Variants in ILDR1 observed in about 807,000 individuals in gnomAD.
ILDR1 encodes the protein immunoglobulin like domain containing receptor 1.
ILDR1 carries 56 observed loss-of-function variants against 62.4 expected under a neutral mutation model. The ratio of observed to expected loss-of-function variants is 0.90; its 90% CI spans 0.72 to 1.12. The LOEUF (loss-of-function observed/expected upper bound fraction) is 1.12. ILDR1 is among the 50% of genes most tolerant of loss of function. The pLI is 0.00. For missense variants in ILDR1, 736 were observed against 710.6 expected, an observed-to-expected ratio of 1.04 and a Z score of -0.41; for synonymous variants, 284 against 277.8, an observed-to-expected ratio of 1.02 and a Z score of -0.22.
chr3:122,026,444 A>G (rs554429601), upstream of ILDR1, among the ~76,000 whole-genome samples: 4 of 152,358 alleles, frequency 2.6e-5, no homozygotes, highest in African/African-American at 7.2e-5. Flanking sequence ...TGAGACAAGG[A>G]TATAGGTTTC....
the ILDR1 span, among the ~76,000 whole-genome samples, chr3:122,043,058 T>A: frequency 6.9e-6 from 1 of 144,256 alleles, no homozygotes; most frequent in Non-Finnish European, 1.5e-5. Context: ...GGTCTAACGT[T>A]TAAATCTTTA....
At chr3:122,022,457 A>G (rs528734199), upstream of ILDR1, among the ~76,000 whole-genome samples, 42 of 152,262 alleles carry the variant, frequency 2.8e-4, no homozygotes, top group African/African-American at 9.4e-4. Flanking sequence ...TCCCCTGCAA[A>G]TGTATCCCCC....
intron 3 of ILDR1, among the ~76,000 whole-genome samples, chr3:122,004,397 A>T (rs562817104): frequency 2.0e-4 from 30 of 152,320 alleles, no homozygotes; most frequent in Admixed American, 2.0e-3. Context: ...CTTTATACAT[A>T]TTACCTTAGT....
intron 5 of ILDR1, among the ~76,000 whole-genome samples, chr3:121,994,825 G>A (rs757749062): frequency 1.3e-5 from 2 of 152,202 alleles, no homozygotes; most frequent in African/African-American, 2.4e-5. Context: ...CAATTGCATG[G>A]AAGAGTATTT....
upstream of ILDR1, among the ~76,000 whole-genome samples, chr3:122,025,854 G>C (rs2071917203): frequency 6.6e-6 from 1 of 152,156 alleles, no homozygotes; most frequent in East Asian, 1.9e-4. Context: ...TTCAGACTAT[G>C]TCTTATGCAT....
intron 1 of ILDR1, among the ~76,000 whole-genome samples, chr3:122,007,667 C>A (rs950390998): frequency 1.3e-5 from 2 of 152,174 alleles, no homozygotes; most frequent in East Asian, 3.9e-4. Context: ...TTTCTTCAGT[C>A]CTTCCCATGC....
chr3:122,013,522 A>G (rs2107673823), intron 1 of ILDR1, among the ~76,000 whole-genome samples: 1 of 152,308 alleles, frequency 6.6e-6, no homozygotes, highest in Non-Finnish European at 1.5e-5. Flanking sequence ...CAATGCTATC[A>G]GAGTTTATGG....
the ILDR1 span, among the ~76,000 whole-genome samples, chr3:122,053,411 T>C: frequency 1.3e-5 from 2 of 152,188 alleles, no homozygotes; most frequent in South Asian, 4.1e-4. Context: ...TAATTTGTTA[T>C]ACAGCAATGG....
chr3:122,005,019 T>C (rs1398547974), intron 3 of ILDR1, among the ~76,000 whole-genome samples: 1 of 152,218 alleles, frequency 6.6e-6, no homozygotes, highest in Non-Finnish European at 1.5e-5. Context: ...AAGCTATAGA[T>C]AGCAACAGAA....
intron 3 of ILDR1, 39 bp downstream of exon 3, chr3:122,005,205 C>T: frequency 7.9e-7 from 1 of 1,260,900 alleles, no homozygotes; most frequent in Non-Finnish European, 1.1e-6. Context: ...CTGCACCTCC[C>T]CCCACCCCCA....
chr3:122,025,455 G>C (rs1455230149), upstream of ILDR1, among the ~76,000 whole-genome samples: 1 of 152,212 alleles, frequency 6.6e-6, no homozygotes, highest in East Asian at 1.9e-4. Flanking sequence ...AAGTAGCAGA[G>C]CTGAGATGCA....
intron 1 of ILDR1, among the ~76,000 whole-genome samples, chr3:122,007,575 G>A (rs1386614970): frequency 1.3e-5 from 2 of 152,142 alleles, no homozygotes; most frequent in Admixed American, 1.3e-4. Context: ...CCAGGCCTAC[G>A]AAACCCGTTA....
the ILDR1 span, among the ~76,000 whole-genome samples, chr3:122,047,361 G>A: frequency 6.6e-6 from 1 of 152,240 alleles, no homozygotes; most frequent in Non-Finnish European, 1.5e-5. Flanking sequence ...AGAGGTTACT[G>A]CTGTCTTTTT....
chr3:122,045,265 G>A, the ILDR1 span, among the ~76,000 whole-genome samples: 5 of 148,754 alleles, frequency 3.4e-5, no homozygotes, highest in Admixed American at 3.4e-4. Context: ...TAGTTTGATT[G>A]CACTGTGGTC....
the ILDR1 span, among the ~76,000 whole-genome samples, chr3:122,036,578 G>GAC: frequency 4.1e-5 from 6 of 145,482 alleles, no homozygotes; most frequent in Admixed American, 4.1e-4. Context: ...GACAGAGCAA[G>GAC]ACTCCATTTC....
chr3:122,019,543 AAGG>A (rs1264413137), intron 1 of ILDR1, among the ~76,000 whole-genome samples: 12 of 152,176 alleles, frequency 7.9e-5, no homozygotes, highest in African/African-American at 2.9e-4. Flanking sequence ...CTTAAAAATT[AAGG>A]AAAAGGTGGG....
At chr3:122,000,241 T>G (rs1196728021) in intron 5 of ILDR1, among the ~76,000 whole-genome samples, 1 of 145,554 alleles carries the variant, frequency 6.9e-6, no homozygotes, top group Non-Finnish European at 1.5e-5. Context: ...AGCCAAAAAT[T>G]AAGTTAAGGA....
chr3:121,993,259 C>G lies in ILDR1; in HGVS notation c.1490G>C (p.Arg497Pro). The G allele has an allele frequency of 6.2e-7, 1 of 1,613,538 alleles. No individual in the cohort carries two copies. Among genetic ancestry groups the G allele is most frequent in the Non-Finnish European group, 8.5e-7 (1 of 1,179,754 alleles). Residue 497 changes from arginine (R) to proline (P), a missense_variant, in exon 7 of 8, where the codon CGC (arginine) becomes CCC (proline). Arg to Pro is a moderately radical substitution (Grantham distance 103). Transcript: ENST00000344209. ...RQPQSWRAHR[R>P]GSHSPHWPEE... ...GGGCCAGTGTGGGGAGTGCGAGCCG[C>G]GGCGGTGGGCCCGCCAGCTCTGGGG...
chr3:122,032,036 C>T, the ILDR1 span, among the ~76,000 whole-genome samples: 2 of 152,318 alleles, frequency 1.3e-5, no homozygotes, highest in Non-Finnish European at 2.9e-5. Context: ...AATGAGCCAT[C>T]ACAATGTAAA....
Sources: gnomAD v4.1 joint callset for allele counts (sites outside exome capture counted in the v4.1 genomes callset) on GRCh38, gnomAD v4.1.1 for gene constraint, MANE v1.5 for transcripts, NCBI Gene and HGNC (gene_info 2026-07-23, HGNC 2026-07-21) for gene names.